Variants in ARHGAP21 observed in about 807,000 individuals in gnomAD.
ARHGAP21 encodes Rho GTPase activating protein 21.
Under a neutral mutation model 164.6 loss-of-function variants are expected in ARHGAP21, and 38 were observed. The ratio of observed to expected loss-of-function variants is 0.23; its 90% CI spans 0.18 to 0.30. The LOEUF (loss-of-function observed/expected upper bound fraction) is 0.30, where lower values mean the gene tolerates loss of function less well. ARHGAP21 is among the 10% of genes least tolerant of loss of function. ARHGAP21 has a pLI of 1.00. For synonymous variants in ARHGAP21, 766 were observed against 857.9 expected (o/e 0.89, Z 1.87); for missense variants, 1,822 against 2,370.7 (o/e 0.77, Z 4.81).
At chr10:24,655,559 G>C (rs920360294) in intron 4 of ARHGAP21, among the ~76,000 whole-genome samples, 3 of 151,412 alleles carry the variant, frequency 2.0e-5, no homozygotes, top group African/African-American at 4.8e-5. Context: ...CGGGCCCCGC[G>C]GGGCCCGAGG....
rs2886853 is a variant in ARHGAP21 at position 24,625,301 on chromosome 10, A to C, written c.496-2539T>G. Among the ~76,000 whole-genome samples, 185 of 145,956 alleles carry C rather than the reference A, an allele frequency of 1.3e-3. 7 individuals are homozygous for C. The highest frequency in any genetic ancestry group is 3.0e-3 in the African/African-American group (118 of 39,732). ...AATGGTAAACAAAATGAAACAGAGAAAAAAAAAAAAAAAAAAAAAAAACCT... is the reference window on the plus strand; with the variant it reads ...AATGGTAAACAAAATGAAACAGAGACAAAAAAAAAAAAAAAAAAAAAACCT... On this transcript the variant is annotated intron_variant, in intron 7 of 25. Coordinates refer to ENST00000396432, the MANE Select transcript of ARHGAP21 (RefSeq NM_020824.4).
rs1490701176 is a variant in ARHGAP21 at position 24,617,100 on chromosome 10, T to C, written c.2422+2373A>G. On this transcript the variant is annotated intron_variant, in intron 9 of 25. Coordinates refer to ENST00000396432, the MANE Select transcript of ARHGAP21 (RefSeq NM_020824.4). ...GAAGGAGGGCGAAAGTCAAATAAGATAGGAACTAATTAGAGAGTACTTTTA... is the reference window on the plus strand; with the variant it reads ...GAAGGAGGGCGAAAGTCAAATAAGACAGGAACTAATTAGAGAGTACTTTTA... Among the ~76,000 whole-genome samples the C allele has an allele frequency of 3.3e-5, 5 of 152,214 alleles. No homozygotes were observed. In the South Asian group the frequency reaches 1.0e-3, roughly 32 times the overall value.
At chr10:24,698,090 T>C (rs1593325235) in intron 2 of ARHGAP21, among the ~76,000 whole-genome samples, 2 of 152,132 alleles carry the variant, frequency 1.3e-5, no homozygotes, top group Admixed American at 1.3e-4. Flanking sequence ...GTATAGCTTG[T>C]ATTAAATGAA....
chr10:24,660,009 T>C (rs1839509463), intron 4 of ARHGAP21, among the ~76,000 whole-genome samples: 1 of 152,170 alleles, frequency 6.6e-6, no homozygotes, highest in Non-Finnish European at 1.5e-5. Flanking sequence ...ATGCAGCCAG[T>C]ACACTGTTAA....
chr10:24,696,349 C>T (rs1438959259), intron 2 of ARHGAP21, among the ~76,000 whole-genome samples: 1 of 152,176 alleles, frequency 6.6e-6, no homozygotes, highest in Non-Finnish European at 1.5e-5. Context: ...CCCCAGTCTT[C>T]AGCTGAGCAA....
chr10:24,643,678 C>T (rs1218771411), intron 4 of ARHGAP21, among the ~76,000 whole-genome samples: 1 of 152,176 alleles, frequency 6.6e-6, no homozygotes, highest in African/African-American at 2.4e-5. Context: ...GTGCCAATCT[C>T]TAACTACGGA....
At chr10:24,653,706 C>A (rs1838457427) in intron 4 of ARHGAP21, among the ~76,000 whole-genome samples, 1 of 152,092 alleles carries the variant, frequency 6.6e-6, no homozygotes, top group Non-Finnish European at 1.5e-5. Flanking sequence ...CAGGTGCAAA[C>A]CACCATGCCA....
intron 12 of ARHGAP21, 67 bp downstream of exon 12, chr10:24,604,245 C>T: frequency 9.4e-7 from 1 of 1,060,398 alleles, no homozygotes. Flanking sequence ...TAAATGTCTA[C>T]TGGGTAAAAG....
intron 9 of ARHGAP21, among the ~76,000 whole-genome samples, chr10:24,612,157 T>A (rs948386242): frequency 6.6e-6 from 1 of 152,220 alleles, no homozygotes; most frequent in African/African-American, 2.4e-5. Flanking sequence ...ATTTTCAGCA[T>A]AGACCATGGC....
rs564417524 is a variant in ARHGAP21, at chr10:24,592,583, G to A, written c.3877-571C>T. On this transcript the variant is annotated intron_variant, in intron 21 of 25. Transcript: ENST00000396432. Reference sequence around the variant, plus strand: ...AGCACTTTGGGGGACCGAGTCAGGTGGACTGCTTGAGCCCAGGAGTTCAAG... The same window carrying A: ...AGCACTTTGGGGGACCGAGTCAGGTAGACTGCTTGAGCCCAGGAGTTCAAG... Among the ~76,000 whole-genome samples the A allele has an allele frequency of 1.3e-4, 19 of 151,894 alleles. No individual in the cohort carries two copies. The South Asian group carries it at 1.5e-3, about 12-fold the overall frequency.
rs1362157929 is a variant in ARHGAP21, at chr10:24,619,598, C to T, written c.2297G>A (p.Gly766Glu). The change falls in exon 9 of 26, where the codon GGG becomes GAG. Residue 766 changes from glycine to glutamate, a missense_variant. By Grantham distance (98) the Gly-to-Glu change is moderately conservative. This residue lies in a region of ARHGAP21 where 1,090 missense variants were observed against 1,378.9 expected (regional missense o/e 0.79). Coordinates refer to ENST00000396432, the MANE Select transcript of ARHGAP21 (RefSeq NM_020824.4). ...YILAVNDQET[G>E]SDTTCWLPND... ...GGGCAGCCAGCAGGTAGTGTCTGAC[C>T]CGGTCTCCTGGTCATTTACTGCCAA... 6.2e-7 allele frequency: 1 copy of T among 1,614,062 alleles called. No homozygotes were observed. Among genetic ancestry groups the T allele is most frequent in the Non-Finnish European group, 8.5e-7 (1 of 1,179,998 alleles).
chr10:24,651,771 TGAGA>T (rs377576986), intron 4 of ARHGAP21, among the ~76,000 whole-genome samples: 2 of 152,208 alleles, frequency 1.3e-5, no homozygotes, highest in African/African-American at 2.4e-5. Flanking sequence ...CACTCATTCA[TGAGA>T]GAGATACACC....
intron 8 of ARHGAP21, among the ~76,000 whole-genome samples, chr10:24,622,433 CATATATATATATATAT>C (rs10530408): frequency 0.046 from 4,125 of 89,554 alleles, 253 homozygotes; most frequent in East Asian, 0.14. Context: ...ACTTAAAAAA[CATATATATATATATAT>C]ATATATATAT....
intron 8 of ARHGAP21, 42 bp from the exon 9 acceptor site, chr10:24,621,411 A>G (rs780856473): frequency 2.7e-6 from 4 of 1,469,742 alleles, no homozygotes; most frequent in Non-Finnish European, 3.6e-6. Context: ...AAATTCATAA[A>G]AAGAATAATA....
chr10:24,715,606 G>C lies in ARHGAP21; in HGVS notation c.63+6231C>G, dbSNP rs532710805. Among the ~76,000 whole-genome samples the C allele has an allele frequency of 2.0e-5, 3 of 152,262 alleles. No homozygotes were observed. The South Asian group carries it at 6.2e-4, about 32-fold the overall frequency. On this transcript the variant is annotated intron_variant, in intron 2 of 25. Coordinates refer to ENST00000396432, the MANE Select transcript of ARHGAP21 (RefSeq NM_020824.4). Reference sequence around the variant, plus strand: ...GGTAAAAAAGGTGCAAAGAAAAAAGGCACCAAAAATTTTAACAGCAGTTCT... The same window carrying C: ...GGTAAAAAAGGTGCAAAGAAAAAAGCCACCAAAAATTTTAACAGCAGTTCT...
chr10:24,680,185 G>C (rs1841634681), intron 2 of ARHGAP21, among the ~76,000 whole-genome samples: 1 of 152,222 alleles, frequency 6.6e-6, no homozygotes, highest in African/African-American at 2.4e-5. Flanking sequence ...TTCGATGCTA[G>C]AATATTTTCT....
rs756922815 is a variant in ARHGAP21, at chr10:24,597,532, T to C, written c.3249A>G (p.Gln1083=). ...GCTCTGATTTAGCACCAAGCAAAGTTTGCCTGATGCTGAGACTCTGGCGAG... is the reference window on the plus strand; with the variant it reads ...GCTCTGATTTAGCACCAAGCAAAGTCTGCCTGATGCTGAGACTCTGGCGAG... ...KTPRQSLSIR[Q]TLLGAKSEPK... Residue 1083 remains glutamine, a synonymous_variant, in exon 16 of 26, where the codon CAA becomes CAG. Transcript: ENST00000396432. 1.9e-6 allele frequency: 3 copies of C among 1,614,028 alleles called. No homozygotes were observed. The highest frequency in any genetic ancestry group is 2.5e-6 in the Non-Finnish European group (3 of 1,180,008).
chr10:24,591,582 G>A (rs780167152), intron 23 of ARHGAP21, 60 bp downstream of exon 23: 110 of 1,580,946 alleles, frequency 7.0e-5, no homozygotes, highest in Non-Finnish European at 8.5e-5. Flanking sequence ...TTGTTGGCGC[G>A]CCAGGATCTT....
intron 4 of ARHGAP21, among the ~76,000 whole-genome samples, chr10:24,658,019 T>C (rs1474519690): frequency 8.8e-6 from 1 of 114,276 alleles, no homozygotes; most frequent in East Asian, 2.5e-4. Context: ...CAAATCCCCC[T>C]CTGTGAGAAA....
Sources: allele counts gnomAD v4.1 joint callset (sites outside exome capture counted in the v4.1 genomes callset), GRCh38; gene constraint gnomAD v4.1.1; regional missense constraint gnomAD v4.1.1; transcripts MANE v1.5; gene names NCBI Gene and HGNC (gene_info 2026-07-23, HGNC 2026-07-21).